Variants in SHLD2 observed in about 807,000 individuals in gnomAD.
SHLD2 encodes the protein RINN1-REV7-interacting novel NHEJ regulator 2.
Under a neutral mutation model 73.2 loss-of-function variants are expected in SHLD2, and 30 were observed. The ratio of observed to expected loss-of-function variants is 0.41; its 90% CI spans 0.31 to 0.56. The LOEUF is 0.56. Among genes scored for constraint, SHLD2 ranks in the 20% least tolerant of loss-of-function variants. SHLD2 has a pLI of 0.28. For missense variants in SHLD2, 745 were observed against 1,055.9 expected (o/e 0.71, Z 4.08); for synonymous variants, 285 against 370.1 (o/e 0.77, Z 2.64).
chr10:87,165,135 TG>T (rs1476041820), intron 4 of SHLD2, among the ~76,000 whole-genome samples: 1 of 151,620 alleles, frequency 6.6e-6, no homozygotes, highest in Non-Finnish European at 1.5e-5. Flanking sequence ...TGCAGTGAGC[TG>T]TGATCATGCC....
rs748605554 is a variant in SHLD2 at position 87,152,045 on chromosome 10, G to A, written c.691G>A (p.Val231Ile). 3.1e-6 allele frequency: 5 copies of A among 1,611,800 alleles called. No homozygotes were observed. The highest frequency in any genetic ancestry group is 4.2e-6 in the Non-Finnish European group (5 of 1,179,838). ...KSRSEAAVRK[V>I]SDLKISTDTE... ...AAGGTCTGAAGCAGCAGTTAGGAAG[G>A]TCTCAGACCTTAAAATATCAACTGA... is the stretch of plus-strand genomic sequence containing the variant. Residue 231 changes from valine to isoleucine, a missense_variant, in exon 3 of 10, where the codon GTC (valine) becomes ATC (isoleucine). Around this residue, in one of 5 missense-constraint regions of SHLD2, gnomAD observed 280 missense variants for 353.9 expected, o/e 0.79. Transcript: ENST00000298786.
chr10:87,111,457 A>G (rs1842914892), intron 2 of SHLD2, among the ~76,000 whole-genome samples: 1 of 151,754 alleles, frequency 6.6e-6, no homozygotes, highest in Non-Finnish European at 1.5e-5. Context: ...TCTGGCCAAC[A>G]TGGTGAAACC....
intron 7 of SHLD2, among the ~76,000 whole-genome samples, chr10:87,177,488 C>T (rs1407271571): frequency 6.6e-6 from 1 of 152,116 alleles, no homozygotes; most frequent in Non-Finnish European, 1.5e-5. Context: ...TAAAATCAGT[C>T]CTTCAGAGGC....
intron 2 of SHLD2, among the ~76,000 whole-genome samples, chr10:87,102,506 A>G (rs1269388034): frequency 6.6e-6 from 1 of 151,794 alleles, no homozygotes; most frequent in Non-Finnish European, 1.5e-5. Context: ...TTGGGAGTTC[A>G]AGACCAGCCT....
At chr10:87,117,425 AAAG>A (rs1843323652) in intron 2 of SHLD2, among the ~76,000 whole-genome samples, 1 of 152,178 alleles carries the variant, frequency 6.6e-6, no homozygotes, top group South Asian at 2.1e-4. Context: ...CTTAAACAAA[AAAG>A]AACTTTTGCT....
chr10:87,141,872 A>G (rs912226957), intron 2 of SHLD2, among the ~76,000 whole-genome samples: 2 of 152,108 alleles, frequency 1.3e-5, no homozygotes, highest in African/African-American at 4.8e-5. Context: ...CTCTACTAAA[A>G]ATACAAAAAT....
At chr10:87,101,021 A>G (rs1020947301) in intron 2 of SHLD2, among the ~76,000 whole-genome samples, 10 of 152,214 alleles carry the variant, frequency 6.6e-5, no homozygotes, top group Admixed American at 4.6e-4. Context: ...CTGTATATGT[A>G]GGTCTTTTAA....
At chr10:87,098,528 A>C (rs1040964594) in intron 2 of SHLD2, among the ~76,000 whole-genome samples, 7 of 152,002 alleles carry the variant, frequency 4.6e-5, no homozygotes, top group African/African-American at 1.7e-4. Flanking sequence ...AAAAAAAAAA[A>C]AACAGGGAGT....
chr10:87,143,329 G>A (rs577894547), intron 2 of SHLD2, among the ~76,000 whole-genome samples: 6 of 152,196 alleles, frequency 3.9e-5, no homozygotes, highest in Admixed American at 3.3e-4. Flanking sequence ...GACCTTAGGC[G>A]TGACATTGGA....
At chr10:87,157,077 C>T (rs1000035261) in intron 3 of SHLD2, among the ~76,000 whole-genome samples, 2 of 152,072 alleles carry the variant, frequency 1.3e-5, no homozygotes, top group African/African-American at 4.8e-5. Flanking sequence ...AAGATGACTT[C>T]AGATGTTAGT....
chr10:87,137,275 T>C (rs1844861813), intron 2 of SHLD2, among the ~76,000 whole-genome samples: 1 of 151,988 alleles, frequency 6.6e-6, no homozygotes, highest in East Asian at 1.9e-4. Flanking sequence ...TGGGGATTTC[T>C]GTAGAGTCAT....
At chr10:87,135,260 C>T (rs1178250262) in intron 2 of SHLD2, among the ~76,000 whole-genome samples, 1 of 151,556 alleles carries the variant, frequency 6.6e-6, no homozygotes, top group East Asian at 1.9e-4. Context: ...ACTTTATTTA[C>T]CTAATGTTTT....
At chr10:87,180,531 G>T (rs1848240950) in intron 8 of SHLD2, among the ~76,000 whole-genome samples, 2 of 151,982 alleles carry the variant, frequency 1.3e-5, no homozygotes, top group African/African-American at 4.8e-5. Context: ...AGATTTTATT[G>T]TCTTCAAACA....
chr10:87,128,650 C>T (rs1279531989), intron 2 of SHLD2, among the ~76,000 whole-genome samples: 2 of 152,116 alleles, frequency 1.3e-5, no homozygotes, highest in Non-Finnish European at 2.9e-5. Flanking sequence ...GATGATTTTG[C>T]TCCATTGTCT....
upstream of SHLD2, chr10:87,094,581 G>T (rs1841668691): frequency 5.0e-6 from 8 of 1,611,570 alleles, no homozygotes; most frequent in Non-Finnish European, 6.8e-6. This position sits in a 1 kb window ranked among gnomAD's most constrained non-coding sequence, Gnocchi z 6.6. Context: ...AGAAGTTGGG[G>T]TCGTCCTCGC....
chr10:87,155,355 A>G (rs1333130447), intron 3 of SHLD2, among the ~76,000 whole-genome samples: 122 of 151,334 alleles, frequency 8.1e-4, no homozygotes, highest in Admixed American at 8.0e-3. Context: ...TGGAGATTCA[A>G]TTCACCTAAC....
chr10:87,104,654 A>C (rs73339805), intron 2 of SHLD2, among the ~76,000 whole-genome samples: 2,568 of 152,166 alleles, frequency 0.017, 78 homozygotes, highest in African/African-American at 0.058. Context: ...AACTGTACTA[A>C]GGTAGGATTC....
chr10:87,105,160 G>C (rs1051738457), intron 2 of SHLD2, among the ~76,000 whole-genome samples: 7 of 152,154 alleles, frequency 4.6e-5, no homozygotes, highest in Admixed American at 4.6e-4. Context: ...ATCCTATCTT[G>C]AGCATTTTGG....
At chr10:87,174,854 G>C (rs1015574560) in intron 6 of SHLD2, among the ~76,000 whole-genome samples, 1 of 152,272 alleles carries the variant, frequency 6.6e-6, no homozygotes, top group South Asian at 2.1e-4. Flanking sequence ...GGTGGCTCCC[G>C]CCTGTAATCC....
Sources: gnomAD v4.1 joint callset for allele counts (sites outside exome capture counted in the v4.1 genomes callset) on GRCh38, gnomAD v4.1.1 for gene constraint, gnomAD v4.1.1 regional missense constraint, Gnocchi (gnomAD v3.1) non-coding constraint, MANE v1.5 for transcripts, NCBI Gene and HGNC (gene_info 2026-07-23, HGNC 2026-07-21) for gene names.